The following ESR2 variants were observed in gnomAD, a reference collection of about 807,000 sequenced individuals.
The protein encoded by ESR2 is estrogen receptor beta.
ESR2 carries 36 observed loss-of-function variants against 49.6 expected under a neutral mutation model. The observed-to-expected ratio is 0.73, with a 90% CI of 0.56 to 0.96. The LOEUF (loss-of-function observed/expected upper bound fraction) is 0.96. Among genes scored for constraint, ESR2 ranks in the 40% least tolerant of loss-of-function variants. The probability of loss-of-function intolerance (pLI) is 0.00; values close to 1 mark genes in which losing one functional copy is unlikely to be tolerated. For missense variants in ESR2, 714 were observed against 693.0 expected (o/e 1.03, Z -0.34); for synonymous variants, 320 against 266.1 (o/e 1.20, Z -1.97).
chr14:64,334,447 GAT>G (rs1418498269), intron 1 of ESR2, among the ~76,000 whole-genome samples: 1 of 152,194 alleles, frequency 6.6e-6, no homozygotes, highest in Non-Finnish European at 1.5e-5. Context: ...AGCACTGTTT[GAT>G]ATGTTCTCAT....
Position 64,303,699 on chromosome 14 carries a change from T to G in ESR2, c.-90-20624A>C, listed in dbSNP as rs1242690787. On this transcript the variant is annotated intron_variant, in intron 1 of 8. Transcript: ENST00000358599. ...AGAGTAAGACAAGTTTTTAGATCATTGTATATGTGTAACATGTTGAAATAT... is the reference window on the plus strand; with the variant it reads ...AGAGTAAGACAAGTTTTTAGATCATGGTATATGTGTAACATGTTGAAATAT... 1.3e-5 allele frequency: 2 copies of G among 152,216 alleles called. 1 individual carries two copies. Among genetic ancestry groups the G allele is most frequent in the East Asian group, 3.8e-4 (2 of 5,200 alleles). 9.4% of individuals were successfully genotyped at this position (152,216 alleles called of 1,614,324 possible).
chr14:64,271,418 C>T (rs1472271932), intron 3 of ESR2, among the ~76,000 whole-genome samples: 2 of 152,148 alleles, frequency 1.3e-5, no homozygotes, highest in African/African-American at 2.4e-5. Flanking sequence ...CTCCACCTCC[C>T]GGGTTCAAGC....
rs374264697 is a variant in ESR2, at chr14:64,261,232, CTTT to C, written c.653-487_653-485del. On this transcript the variant is annotated intron_variant, in intron 4 of 8. Transcript: ENST00000341099. ...CAGTCTTTTTAATGCTTTTATTTTT[CTTT>C]TTTCTTTTTTTTTTTTTTTTGAGAC... Among the ~76,000 whole-genome samples, 418 of 88,676 alleles carry C rather than the reference CTTT, an allele frequency of 4.7e-3. 4 individuals carry two copies. The highest frequency in any genetic ancestry group is 7.1e-3 in the Non-Finnish European group (344 of 48,616). 58.2% of individuals were successfully genotyped at this position (88,676 alleles called of 152,430 possible). A position where few individuals can be genotyped will look rare whatever the true frequency, so the allele number is the denominator to read the frequency against.
chr14:64,299,895 T>C (rs544560498), intron 1 of ESR2, among the ~76,000 whole-genome samples: 2 of 152,294 alleles, frequency 1.3e-5, no homozygotes, highest in African/African-American at 4.8e-5. Context: ...GATCTCTGCA[T>C]TCTCCTCTCC....
chr14:64,256,335 T>A (rs1380304490), intron 6 of ESR2, among the ~76,000 whole-genome samples: 1 of 152,234 alleles, frequency 6.6e-6, no homozygotes, highest in Non-Finnish European at 1.5e-5. Context: ...ACAACCAAGA[T>A]ACAGCATCAT....
At chr14:64,318,786 TAATCCCA>T (rs1377893213) in intron 1 of ESR2, among the ~76,000 whole-genome samples, 1,890 of 152,224 alleles carry the variant, frequency 0.012, 21 homozygotes, top group South Asian at 0.043. Flanking sequence ...TTCATGCCTG[TAATCCCA>T]GCACTTTGGC....
At position 64,249,714 on chromosome 14, in the gene ESR2, GCTTC is replaced by G. The variant is rs776322451; in HGVS notation, c.1092-39_1092-36del. On this transcript the variant is annotated intron_variant, in intron 6 of 8. Transcript: ENST00000341099. ...TTCGTTTGGAAATTTAAGGAACATA[GCTTC>G]AGGAAACCATCAAAAAAACAATAAG... is the stretch of plus-strand genomic sequence containing the variant. 1.9e-6 allele frequency: 3 copies of G among 1,574,752 alleles called. No individual in the cohort carries two copies. The East Asian group carries it at 6.8e-5, about 36-fold the overall frequency.
In ESR2 at chr14:64,228,589, C is replaced by T. The variant is rs1474286147; in HGVS notation, c.*4548G>A. On this transcript the variant is annotated 3_prime_UTR_variant, in exon 9 of 9. Coordinates refer to ENST00000341099, the MANE Select transcript of ESR2 (RefSeq NM_001437.3). ...GCCAACCAACAGGCTCTGAAGTACACATTGAATGACAAAAGGTATAGGACC... is the reference window on the plus strand; with the variant it reads ...GCCAACCAACAGGCTCTGAAGTACATATTGAATGACAAAAGGTATAGGACC... Among the ~76,000 whole-genome samples the T allele has an allele frequency of 2.0e-5, 3 of 152,198 alleles. No homozygotes were observed. The highest frequency in any genetic ancestry group is 2.9e-5 in the Non-Finnish European group (2 of 68,044).
intron 1 of ESR2, among the ~76,000 whole-genome samples, chr14:64,309,911 G>A (rs1375548662): frequency 6.6e-6 from 1 of 151,728 alleles, no homozygotes; most frequent in African/African-American, 2.4e-5. Context: ...ACGGCAAAAC[G>A]CCGTCTCTAA....
At chr14:64,284,447 C>T (rs1219137924) in intron 1 of ESR2, among the ~76,000 whole-genome samples, 1 of 151,856 alleles carries the variant, frequency 6.6e-6, no homozygotes, top group African/African-American at 2.4e-5. Flanking sequence ...ATGTCTCAGC[C>T]TCCTGAGTAG....
intron 4 of ESR2, among the ~76,000 whole-genome samples, chr14:64,264,221 A>G (rs1052496818): frequency 8.5e-5 from 13 of 152,204 alleles, no homozygotes; most frequent in African/African-American, 3.1e-4. Flanking sequence ...TTTTAAAAAT[A>G]AATATTAGTT....
At chr14:64,284,267 T>TA (rs1384947863) in intron 1 of ESR2, among the ~76,000 whole-genome samples, 1 of 151,888 alleles carries the variant, frequency 6.6e-6, no homozygotes, top group Non-Finnish European at 1.5e-5. Flanking sequence ...ATTTATGCTC[T>TA]AAAAAACAGA....
At chr14:64,234,189 A>G (rs1290822547) in intron 8 of ESR2, 2 of 152,274 alleles carry the variant, frequency 1.3e-5, no homozygotes, top group African/African-American at 2.4e-5. Context: ...AGCAATCATT[A>G]AAGGGGAAAG....
chr14:64,257,468 C>G, intron 5 of ESR2, 104 bp from the exon 6 acceptor site: 1 of 1,386,166 alleles, frequency 7.2e-7, no homozygotes, highest in Non-Finnish European at 9.8e-7. Context: ...AAAACACAAA[C>G]CATTAGGGAG....
At position 64,232,856 on chromosome 14, in the gene ESR2, A is replaced by C; in HGVS notation, c.*281T>G. 1 of 378,136 alleles carries C rather than the reference A, an allele frequency of 2.6e-6. No homozygotes were observed. The highest frequency in any genetic ancestry group is 4.5e-6 in the Non-Finnish European group (1 of 220,342). 23.4% of individuals were successfully genotyped at this position (378,136 alleles called of 1,614,324 possible). The stretch of plus-strand genomic sequence containing the variant: ...TTAAGATGTTTCACAAAGGGGAGGA[A>C]GGAAGAAGGAAAGTAAGAAAGACCA... On this transcript the variant is annotated 3_prime_UTR_variant, in exon 9 of 9. Coordinates refer to ENST00000341099, the MANE Select transcript of ESR2 (RefSeq NM_001437.3).
intron 7 of ESR2, among the ~76,000 whole-genome samples, chr14:64,241,100 T>C (rs1008801932): frequency 4.5e-4 from 62 of 137,062 alleles, no homozygotes; most frequent in South Asian, 9.0e-4. Flanking sequence ...GAGCCGAGAT[T>C]GCGCCACTGC....
In ESR2 at chr14:64,331,704, A is replaced by C. The variant is rs141997241; in HGVS notation, c.-91+6194T>G. On this transcript the variant is annotated intron_variant, in intron 1 of 8. Coordinates refer to the ESR2 transcript ENST00000358599. ...AGCCGAGCGTGGTGGCGCGCCTGTA[A>C]TCCCAGCTACTAAAGAGGCTAAGGC... Among the ~76,000 whole-genome samples, 449 of 151,878 alleles carry C rather than the reference A, an allele frequency of 3.0e-3. 1 individual carries two copies. Among genetic ancestry groups the C allele is most frequent in the African/African-American group, 0.01 (429 of 41,412 alleles).
chr14:64,297,384 T>TAA (rs1159409652), upstream of ESR2: 1 of 152,160 alleles, frequency 6.6e-6, no homozygotes, highest in Non-Finnish European at 1.5e-5. Flanking sequence ...AGCCTCTCCA[T>TAA]AAAAGGTGCA....
At chr14:64,268,155 A>G (rs1364700371) in intron 4 of ESR2, among the ~76,000 whole-genome samples, 1 of 152,220 alleles carries the variant, frequency 6.6e-6, no homozygotes, top group Non-Finnish European at 1.5e-5. Flanking sequence ...CATAAAATAT[A>G]TGCGAATGTA....
Sources: gnomAD v4.1 joint callset for allele counts (sites outside exome capture counted in the v4.1 genomes callset) on GRCh38, gnomAD v4.1.1 for gene constraint, MANE v1.5 for transcripts, NCBI Gene and HGNC (gene_info 2026-07-23, HGNC 2026-07-21) for gene names.